Variants in KCNIP4 observed in about 807,000 individuals in gnomAD.
The protein encoded by KCNIP4 is potassium voltage-gated channel interacting protein 4.
A neutral mutation model predicts 34.0 loss-of-function variants in KCNIP4; 12 were observed. The observed-to-expected ratio is 0.35, with a 90% CI of 0.23 to 0.57. KCNIP4 has a LOEUF of 0.57. KCNIP4 is among the 20% of genes least tolerant of loss of function. The pLI is 0.83. For synonymous variants in KCNIP4, 124 were observed against 102.2 expected (o/e 1.21, Z -1.29); for missense variants, 238 against 311.7 (o/e 0.76, Z 1.78).
chr4:21,515,146 A>T (rs1016402193), intron 1 of KCNIP4, among the ~76,000 whole-genome samples: 1 of 152,158 alleles, frequency 6.6e-6, no homozygotes, highest in African/African-American at 2.4e-5. Context: ...GTGCTTAACC[A>T]TCGCTTCCCT....
intron 1 of KCNIP4, among the ~76,000 whole-genome samples, chr4:21,895,054 CA>C (rs1326344255): frequency 6.6e-6 from 1 of 152,146 alleles, no homozygotes; most frequent in African/African-American, 2.4e-5. Flanking sequence ...GCTTTCCATC[CA>C]TAGTGGGACT....
intron 1 of KCNIP4, among the ~76,000 whole-genome samples, chr4:21,343,771 C>G (rs1036772591): frequency 6.6e-6 from 1 of 152,072 alleles, no homozygotes; most frequent in African/African-American, 2.4e-5. Context: ...GACGCAGGCT[C>G]TTTTTTGCCA....
intron 1 of KCNIP4, among the ~76,000 whole-genome samples, chr4:21,016,444 C>T (rs1445458318): frequency 6.6e-6 from 1 of 151,258 alleles, no homozygotes; most frequent in Non-Finnish European, 1.5e-5. Context: ...TACAGGTGCC[C>T]GCCACCACGC....
chr4:20,883,889 A>T (rs1018008682), intron 1 of KCNIP4, among the ~76,000 whole-genome samples: 7 of 152,174 alleles, frequency 4.6e-5, no homozygotes, highest in African/African-American at 1.7e-4. Flanking sequence ...AAAGCCCTCT[A>T]AAAGCTTCAT....
chr4:21,453,142 T>C (rs1202923307), intron 1 of KCNIP4, among the ~76,000 whole-genome samples: 1 of 152,032 alleles, frequency 6.6e-6, no homozygotes, highest in Non-Finnish European at 1.5e-5. Flanking sequence ...GTGAGTCAGC[T>C]GTCTGATAGA....
At chr4:20,830,818 T>G (rs1271257488) in intron 3 of KCNIP4, among the ~76,000 whole-genome samples, 3 of 152,206 alleles carry the variant, frequency 2.0e-5, no homozygotes, top group Non-Finnish European at 4.4e-5. Flanking sequence ...TAGGTATGTG[T>G]GAATTGCTGG....
rs16872012 is a variant in KCNIP4 at position 21,869,623 on chromosome 4, T to G, written c.61+78948A>C. 4.8e-3 allele frequency among the ~76,000 whole-genome samples: 724 copies of G among 152,154 alleles called. 8 individuals are homozygous for G. Among genetic ancestry groups the G allele is most frequent in the African/African-American group, 0.017 (690 of 41,478 alleles). On this transcript the variant is annotated intron_variant, in intron 1 of 8. Coordinates refer to ENST00000382152, the MANE Select transcript of KCNIP4 (RefSeq NM_025221.6). ...GTATTATGCAAAACAATTCTTTTCG[T>G]TCTCTCTTATGTTTTCACTTTTAGG...
At chr4:21,558,035 C>T (rs1739216427) in intron 1 of KCNIP4, among the ~76,000 whole-genome samples, 1 of 152,062 alleles carries the variant, frequency 6.6e-6, no homozygotes, top group Admixed American at 6.6e-5. Context: ...GGTTATGGTG[C>T]TTTTTGATTT....
chr4:20,962,148 T>C (rs879496696), intron 1 of KCNIP4, among the ~76,000 whole-genome samples: 3 of 152,204 alleles, frequency 2.0e-5, no homozygotes, highest in Admixed American at 1.3e-4. Flanking sequence ...TTTGTCCTTC[T>C]GGGAGCAAAT....
chr4:21,512,192 G>C (rs201062440), intron 1 of KCNIP4, among the ~76,000 whole-genome samples: 29 of 119,458 alleles, frequency 2.4e-4, no homozygotes, highest in African/African-American at 9.0e-4. Flanking sequence ...AACGAACGAA[G>C]GAACGAACGA....
intron 1 of KCNIP4, among the ~76,000 whole-genome samples, chr4:21,822,779 G>C (rs1048901884): frequency 6.7e-6 from 1 of 149,172 alleles, no homozygotes; most frequent in East Asian, 2.0e-4. Context: ...GCGCGGTGGC[G>C]CAATCTTGGC....
intron 1 of KCNIP4, among the ~76,000 whole-genome samples, chr4:21,676,684 C>T (rs1749931254): frequency 6.6e-6 from 1 of 152,120 alleles, no homozygotes; most frequent in Non-Finnish European, 1.5e-5. Context: ...AGATTTTAGT[C>T]TATCCTGTTA....
At chr4:20,789,066 G>C (rs2149401803) in intron 3 of KCNIP4, among the ~76,000 whole-genome samples, 1 of 152,196 alleles carries the variant, frequency 6.6e-6, no homozygotes, top group African/African-American at 2.4e-5. Flanking sequence ...TGTTATTATA[G>C]TTTCTACCTG....
chr4:20,792,821 A>T (rs1273305849), intron 3 of KCNIP4, among the ~76,000 whole-genome samples: 1 of 152,220 alleles, frequency 6.6e-6, no homozygotes, highest in Non-Finnish European at 1.5e-5. Context: ...AGAAATTTCA[A>T]CTTCCTTATC....
chr4:20,966,343 CCTTAATT>C (rs1734344764), intron 1 of KCNIP4, among the ~76,000 whole-genome samples: 2 of 152,146 alleles, frequency 1.3e-5, no homozygotes, highest in East Asian at 3.8e-4. Context: ...AGTCACATAT[CCTTAATT>C]ATGTTCAAAT....
At chr4:21,638,819 G>T (rs1171350729) in intron 1 of KCNIP4, among the ~76,000 whole-genome samples, 2 of 152,178 alleles carry the variant, frequency 1.3e-5, no homozygotes, top group East Asian at 3.8e-4. Context: ...AGTCTTGAAA[G>T]ATGGCTCCTC....
chr4:21,847,837 CCTGT>C (rs1304946745), intron 1 of KCNIP4: 1 of 151,794 alleles, frequency 6.6e-6, no homozygotes, highest in East Asian at 1.9e-4. Flanking sequence ...TCTCTCTTTC[CCTGT>C]CTCATTTCCT....
intron 1 of KCNIP4, among the ~76,000 whole-genome samples, chr4:21,876,751 C>T (rs1315507580): frequency 1.3e-5 from 2 of 151,962 alleles, no homozygotes; most frequent in Admixed American, 6.6e-5. Flanking sequence ...ATGTATATTT[C>T]ATCATAAAAA....
intron 1 of KCNIP4, among the ~76,000 whole-genome samples, chr4:21,654,388 C>T (rs1283173136): frequency 1.3e-5 from 2 of 152,146 alleles, no homozygotes; most frequent in African/African-American, 4.8e-5. Flanking sequence ...CACTTCCACT[C>T]GCAATGGCAG....
Sources: gnomAD v4.1 joint callset for allele counts (sites outside exome capture counted in the v4.1 genomes callset) on GRCh38, gnomAD v4.1.1 for gene constraint, MANE v1.5 for transcripts, NCBI Gene and HGNC (gene_info 2026-07-23, HGNC 2026-07-21) for gene names.